TRPM3: variants seen among roughly 807,000 people sequenced by gnomAD.
TRPM3 encodes transient receptor potential cation channel subfamily M member 3.
In TRPM3, 77 loss-of-function variants were observed where a neutral mutation model predicts 181.2. That is an observed-to-expected ratio of 0.42 (90% CI 0.35 to 0.51). TRPM3 has a LOEUF of 0.51. TRPM3 is among the 20% of genes least tolerant of loss of function. The probability of loss-of-function intolerance (pLI) is 0.01; values close to 1 mark genes in which losing one functional copy is unlikely to be tolerated. For missense variants in TRPM3, 1,759 were observed against 2,196.7 expected (o/e 0.80, Z 3.98); for synonymous variants, 745 against 796.4 (o/e 0.94, Z 1.09).
chr9:70,887,381 C>T (rs2096107686), intron 1 of TRPM3, among the ~76,000 whole-genome samples: 1 of 152,140 alleles, frequency 6.6e-6, no homozygotes, highest in South Asian at 2.1e-4. Context: ...CTCACTATGT[C>T]ATTACTCATC....
At chr9:71,124,037 C>A (rs1380172780), upstream of TRPM3, among the ~76,000 whole-genome samples, 3 of 152,096 alleles carry the variant, frequency 2.0e-5, no homozygotes, top group African/African-American at 7.2e-5. Context: ...GGAGGATTCA[C>A]AGCCCTCTCT....
At chr9:70,615,543 G>A (rs575433841) in intron 18 of TRPM3, among the ~76,000 whole-genome samples, 3 of 152,304 alleles carry the variant, frequency 2.0e-5, no homozygotes, top group South Asian at 2.1e-4. Flanking sequence ...CAGTGAAGCC[G>A]GCTGCTCTCA....
chr9:70,927,387 G>A (rs1310144524), intron 1 of TRPM3, among the ~76,000 whole-genome samples: 2 of 152,174 alleles, frequency 1.3e-5, no homozygotes, highest in African/African-American at 2.4e-5. Flanking sequence ...CGAAGCTACT[G>A]TCAGACAGCT....
chr9:71,041,602 C>T (rs1266445059), intron 1 of TRPM3, among the ~76,000 whole-genome samples: 3 of 152,088 alleles, frequency 2.0e-5, no homozygotes, highest in African/African-American at 7.2e-5. Context: ...CCACTCGACC[C>T]AGCTCAGAGA....
chr9:71,071,838 G>T (rs1436984958), intron 1 of TRPM3, among the ~76,000 whole-genome samples: 2 of 152,166 alleles, frequency 1.3e-5, no homozygotes, highest in Non-Finnish European at 2.9e-5. Flanking sequence ...GGATGCAGGT[G>T]GAGCCTCTAG....
intron 1 of TRPM3, among the ~76,000 whole-genome samples, chr9:71,191,880 A>G (rs1182024396): frequency 6.6e-6 from 1 of 151,372 alleles, no homozygotes; most frequent in Non-Finnish European, 1.5e-5. Flanking sequence ...GTGATGTCAT[A>G]TCTGTAAGGT....
At chr9:71,080,364 C>T (rs1483094158) in intron 1 of TRPM3, among the ~76,000 whole-genome samples, 1 of 152,026 alleles carries the variant, frequency 6.6e-6, no homozygotes, top group African/African-American at 2.4e-5. Context: ...CCCCAACCCC[C>T]AACCAAACCA....
intron 22 of TRPM3, among the ~76,000 whole-genome samples, chr9:70,574,722 C>CATGA (rs2053458993): frequency 1.3e-5 from 2 of 152,038 alleles, no homozygotes; most frequent in Admixed American, 1.3e-4. Context: ...TTGCTGAATC[C>CATGA]ATGAATGAAT....
At chr9:70,910,305 T>G (rs903818807) in intron 1 of TRPM3, among the ~76,000 whole-genome samples, 2 of 152,200 alleles carry the variant, frequency 1.3e-5, no homozygotes, top group Non-Finnish European at 1.5e-5. Flanking sequence ...AAGGAACACA[T>G]GATTCTGTTT....
intron 12 of TRPM3, among the ~76,000 whole-genome samples, chr9:70,630,994 A>ACTGT (rs1447605375): frequency 6.6e-6 from 1 of 152,202 alleles, no homozygotes; most frequent in Non-Finnish European, 1.5e-5. Context: ...GTTTAGGAAA[A>ACTGT]CTGTCTTCCT....
intron 1 of TRPM3, among the ~76,000 whole-genome samples, chr9:71,383,466 TG>T: frequency 6.6e-6 from 1 of 152,284 alleles, no homozygotes; most frequent in South Asian, 2.1e-4. Flanking sequence ...AGAGAGTGGC[TG>T]GGGTATTTCC....
At chr9:71,010,286 A>C (rs1190451286) in intron 1 of TRPM3, among the ~76,000 whole-genome samples, 1 of 152,216 alleles carries the variant, frequency 6.6e-6, no homozygotes, top group African/African-American at 2.4e-5. Flanking sequence ...TAACAGAGTG[A>C]ATAAACAACC....
At chr9:70,984,219 T>C (rs996519436) in intron 1 of TRPM3, among the ~76,000 whole-genome samples, 1 of 152,232 alleles carries the variant, frequency 6.6e-6, no homozygotes, top group African/African-American at 2.4e-5. Flanking sequence ...GCAGATACAG[T>C]CATTGCCTGC....
chr9:71,161,600 A>G (rs1054104845), intron 1 of TRPM3, among the ~76,000 whole-genome samples: 3 of 152,176 alleles, frequency 2.0e-5, no homozygotes, highest in African/African-American at 7.2e-5. Flanking sequence ...TAACTGAAAG[A>G]AAAACAGTTT....
In TRPM3 at chr9:70,940,985, G is replaced by A. The variant is rs115202133; in HGVS notation, c.178-76474C>T. On this transcript the variant is annotated intron_variant, in intron 1 of 25. Coordinates refer to ENST00000677713, the MANE Select transcript of TRPM3 (RefSeq NM_001366145.2). ...CATTTTATTATTTCTAGTACTTTGC[G>A]TATGAATTATGCAAGAGTGGGATTT... Among the ~76,000 whole-genome samples the A allele has an allele frequency of 4.7e-3, 713 of 152,312 alleles. 4 individuals carry two copies. Among genetic ancestry groups the A allele is most frequent in the African/African-American group, 0.016 (671 of 41,566 alleles).
chr9:70,635,404 G>T, intron 11 of TRPM3, 143 bp from the exon 12 acceptor site: 2 of 586,328 alleles, frequency 3.4e-6, no homozygotes, highest in South Asian at 2.2e-5. Context: ...CAGTGTATCT[G>T]CCTTTTCTTT....
chr9:71,190,856 T>G (rs926608687), intron 1 of TRPM3, among the ~76,000 whole-genome samples: 3 of 151,796 alleles, frequency 2.0e-5, no homozygotes, highest in Non-Finnish European at 2.9e-5. Context: ...AAGAATGTGT[T>G]CAAATTCCTA....
At chr9:70,884,589 C>A (rs891051625) in intron 1 of TRPM3, among the ~76,000 whole-genome samples, 5 of 152,198 alleles carry the variant, frequency 3.3e-5, no homozygotes, top group Non-Finnish European at 5.9e-5. Context: ...GAACAGTCTA[C>A]AGAAGTCAGC....
At chr9:70,598,817 G>A (rs189728031) in intron 20 of TRPM3, 147 bp from the exon 21 acceptor site, 128 of 955,478 alleles carry the variant, frequency 1.3e-4, no homozygotes, top group Non-Finnish European at 1.7e-4. Flanking sequence ...GTAAAAGTCC[G>A]ACTGAGCTAA....
Sources: gnomAD v4.1 joint callset for allele counts (sites outside exome capture counted in the v4.1 genomes callset) on GRCh38, gnomAD v4.1.1 for gene constraint, MANE v1.5 for transcripts, NCBI Gene and HGNC (gene_info 2026-07-23, HGNC 2026-07-21) for gene names.